Variants in KCNQ1 observed in about 807,000 individuals in gnomAD.
KCNQ1 encodes the protein potassium voltage-gated channel subfamily KQT member 1.
A neutral mutation model predicts 72.4 loss-of-function variants in KCNQ1; 49 were observed. The ratio of observed to expected loss-of-function variants is 0.68; its 90% CI spans 0.54 to 0.86. The LOEUF is 0.86. KCNQ1 is among the 40% of genes least tolerant of loss of function. The pLI is 0.00. For synonymous variants in KCNQ1, 450 were observed against 412.6 expected (o/e 1.09, Z -1.10); for missense variants, 790 against 945.1 (o/e 0.84, Z 2.15).
At chr11:2,632,978 TTTG>T (rs1323313986) in intron 10 of KCNQ1, 1 of 398,392 alleles carries the variant, frequency 2.5e-6, no homozygotes, top group East Asian at 3.6e-5. Flanking sequence ...TTTTAGTTTT[TTTG>T]ACAAAACACC....
rs544282758 is a variant in KCNQ1, at chr11:2,830,376, A to T, written c.1795-17391A>T. ...GCATCCCAGAGCTATGACCTGAATG[A>T]TATCTTAGATGATCTCCAAGGCCCC... On this transcript the variant is annotated intron_variant, in intron 15 of 15. Coordinates refer to ENST00000155840, the MANE Select transcript of KCNQ1 (RefSeq NM_000218.3). The surrounding 1 kb of genome is among the most constrained non-coding windows in gnomAD (Gnocchi z 7.7). Among the ~76,000 whole-genome samples the T allele has an allele frequency of 6.6e-6, 1 of 152,132 alleles. No individual in the cohort carries two copies. The highest frequency in any genetic ancestry group is 6.5e-5 in the Admixed American group (1 of 15,288).
At position 2,515,169 on chromosome 11, in the gene KCNQ1, C is replaced by T. The variant is rs1382163680; in HGVS notation, c.387-12759C>T. 6.6e-6 allele frequency among the ~76,000 whole-genome samples: 1 copy of T among 152,188 alleles called. No homozygotes were observed. Among genetic ancestry groups the T allele is most frequent in the Non-Finnish European group, 1.5e-5 (1 of 68,030 alleles). ...AATAGGTAATTTTTCAACCCTCCCC[C>T]TCTCACCCTCTCCACCTCCCCTTTG... On this transcript the variant is annotated intron_variant, in intron 1 of 15. Coordinates refer to ENST00000155840, the MANE Select transcript of KCNQ1 (RefSeq NM_000218.3). The surrounding 1 kb of genome is among the most constrained non-coding windows in gnomAD (Gnocchi z 4.7).
At position 2,595,160 on chromosome 11, in the gene KCNQ1, G is replaced by A. The variant is rs1848717758; in HGVS notation, c.1393+6306G>A. 6.6e-6 allele frequency among the ~76,000 whole-genome samples: 1 copy of A among 152,118 alleles called. No individual in the cohort carries two copies. The highest frequency in any genetic ancestry group is 6.5e-5 in the Admixed American group (1 of 15,286). ...AGAGCAAGTCTAAGTAACATATATT[G>A]AGAAGAGAGTTTTATTTTATAAAAT... is the stretch of plus-strand genomic sequence containing the variant. On this transcript the variant is annotated intron_variant, in intron 10 of 15. Transcript: ENST00000155840. This position sits in a 1 kb window ranked among gnomAD's most constrained non-coding sequence, Gnocchi z 5.0.
At chr11:2,474,567 G>A (rs370478895) in intron 1 of KCNQ1, among the ~76,000 whole-genome samples, 3 of 152,210 alleles carry the variant, frequency 2.0e-5, no homozygotes, top group Non-Finnish European at 2.9e-5. Flanking sequence ...GAGGGGCAGC[G>A]GTGGAGCCCA....
At position 2,538,943 on chromosome 11, in the gene KCNQ1, G is replaced by T. The variant is rs531421863; in HGVS notation, c.477+10925G>T. 6.6e-6 allele frequency among the ~76,000 whole-genome samples: 1 copy of T among 152,320 alleles called. No homozygotes were observed. The highest frequency in any genetic ancestry group is 2.1e-4 in the South Asian group (1 of 4,826). On this transcript the variant is annotated intron_variant, in intron 2 of 15. Transcript: ENST00000155840. The surrounding 1 kb of genome is among the most constrained non-coding windows in gnomAD (Gnocchi z 6.7). Reference sequence around the variant, plus strand: ...GTGAGAATGGGGTTGACACCCCTGGGCTGGAACCTGGGAACCACCAGTCAG... The same window carrying T: ...GTGAGAATGGGGTTGACACCCCTGGTCTGGAACCTGGGAACCACCAGTCAG...
In KCNQ1 at chr11:2,678,080, C is replaced by CT. The variant is rs1310694995; in HGVS notation, c.1514+16001dup. On this transcript the variant is annotated intron_variant, in intron 11 of 15. Coordinates refer to ENST00000155840, the MANE Select transcript of KCNQ1 (RefSeq NM_000218.3). The surrounding 1 kb of genome is among the most constrained non-coding windows in gnomAD (Gnocchi z 4.9). ...CTTTGGACTTTGTAAAATACCTTGT[C>CT]TTACTGATTTGTAGAAACTTGCTTT... 1 of 398,174 alleles carries CT rather than the reference C, an allele frequency of 2.5e-6. No individual in the cohort carries two copies. The highest frequency in any genetic ancestry group is 4.4e-6 in the Non-Finnish European group (1 of 225,956). 24.7% of individuals were successfully genotyped at this position (398,174 alleles called of 1,614,324 possible). A position where few individuals can be genotyped will look rare whatever the true frequency, so the allele number is the denominator to read the frequency against.
In KCNQ1 at chr11:2,562,664, T is replaced by TG. The variant is rs1848191079; in HGVS notation, c.478-7963dup. Among the ~76,000 whole-genome samples, 1 of 152,198 alleles carries TG rather than the reference T, an allele frequency of 6.6e-6. No individual in the cohort carries two copies. Among genetic ancestry groups the TG allele is most frequent in the Admixed American group, 6.5e-5 (1 of 15,292 alleles). On this transcript the variant is annotated intron_variant, in intron 2 of 15. Coordinates refer to ENST00000155840, the MANE Select transcript of KCNQ1 (RefSeq NM_000218.3). This position sits in a 1 kb window ranked among gnomAD's most constrained non-coding sequence, Gnocchi z 7.5. Reference sequence around the variant, plus strand: ...GTCTCCAGGCCCCATCTTGGCCTGATGAGGCCTCATTGTCTCCTAAAAAGT... The same window carrying TG: ...GTCTCCAGGCCCCATCTTGGCCTGATGGAGGCCTCATTGTCTCCTAAAAAGT...
intron 1 of KCNQ1, among the ~76,000 whole-genome samples, chr11:2,459,440 G>C (rs925406069): frequency 6.6e-6 from 1 of 152,206 alleles, no homozygotes; most frequent in Non-Finnish European, 1.5e-5. Flanking sequence ...GCAGGTGAAG[G>C]CTTACCTGTC....
intron 15 of KCNQ1, chr11:2,840,209 G>A (rs1848178563): frequency 6.6e-6 from 1 of 150,598 alleles, no homozygotes; most frequent in African/African-American, 2.5e-5. Context: ...TTCAGCATAA[G>A]CAGATCATTG....
rs557484787 is a variant in KCNQ1 at position 2,663,450 on chromosome 11, A to T, written c.1514+1369A>T. 1.5e-5 allele frequency: 6 copies of T among 398,738 alleles called. No homozygotes were observed. Among genetic ancestry groups the T allele is most frequent in the African/African-American group, 4.1e-5 (2 of 48,740 alleles). The allele number at this position is 398,738 out of a possible 1,614,324, so 24.7% of individuals were successfully genotyped here. A position where few individuals can be genotyped will look rare whatever the true frequency, so the allele number is the denominator to read the frequency against. ...AGTCCTGGATATGATGGACCTCCAA[A>T]GTGATCAGTGTTAGTTTAGTGGCTC... On this transcript the variant is annotated intron_variant, in intron 11 of 15. Coordinates refer to ENST00000155840, the MANE Select transcript of KCNQ1 (RefSeq NM_000218.3). This position sits in a 1 kb window ranked among gnomAD's most constrained non-coding sequence, Gnocchi z 5.2.
chr11:2,585,364 C>T (rs1848578662), intron 8 of KCNQ1, 57 bp downstream of exon 8: 3 of 1,464,554 alleles, frequency 2.0e-6, no homozygotes, highest in Non-Finnish European at 2.9e-6. Context: ...ATTGTTGCAT[C>T]CAGCCCTCAC....
intron 15 of KCNQ1, among the ~76,000 whole-genome samples, chr11:2,842,067 C>T (rs531097453): frequency 1.6e-4 from 25 of 152,294 alleles, no homozygotes; most frequent in African/African-American, 5.3e-4. Flanking sequence ...GGCAGAGCTT[C>T]CTCTGGCTGC....
chr11:2,793,931 A>G (rs924260435), intron 15 of KCNQ1, among the ~76,000 whole-genome samples: 10 of 152,232 alleles, frequency 6.6e-5, no homozygotes, highest in Admixed American at 2.0e-4. Flanking sequence ...TCAGGAGCCC[A>G]GAGCCAACCA....
In KCNQ1 at chr11:2,653,997, C is replaced by T. The variant is rs1849797498; in HGVS notation, c.1394-7964C>T. On this transcript the variant is annotated intron_variant, in intron 10 of 15. Coordinates refer to ENST00000155840, the MANE Select transcript of KCNQ1 (RefSeq NM_000218.3). The surrounding 1 kb of genome is among the most constrained non-coding windows in gnomAD (Gnocchi z 5.3). ...GTATTTTCCTAAGCGGAACTGGGTGCCAGCTGTGAATATACATTTTCACTC... is the reference window on the plus strand; with the variant it reads ...GTATTTTCCTAAGCGGAACTGGGTGTCAGCTGTGAATATACATTTTCACTC... 2.5e-6 allele frequency: 1 copy of T among 398,636 alleles called. No homozygotes were observed. The highest frequency in any genetic ancestry group is 4.4e-6 in the Non-Finnish European group (1 of 226,076). 24.7% of individuals were successfully genotyped at this position (398,636 alleles called of 1,614,324 possible).
At chr11:2,472,108 G>C (rs1453481439) in intron 1 of KCNQ1, among the ~76,000 whole-genome samples, 1 of 141,986 alleles carries the variant, frequency 7.0e-6, no homozygotes, top group African/African-American at 3.0e-5. Context: ...GTGCACCTAT[G>C]TGTATAAGTG....
Position 2,662,131 on chromosome 11 carries a change from C to G in KCNQ1, c.1514+50C>G, listed in dbSNP as rs199948521. On this transcript the variant is annotated intron_variant, in intron 11 of 15. Coordinates refer to ENST00000155840, the MANE Select transcript of KCNQ1 (RefSeq NM_000218.3). ...GGCTGGGCTGGAGGGGACTGGAGCT[C>G]AAGGAGTCAGACTTGGTGCTGGGGA... 3,124 of 1,612,112 alleles carry G rather than the reference C, an allele frequency of 1.9e-3. 7 individuals carry two copies. The highest frequency in any genetic ancestry group is 2.3e-3 in the Non-Finnish European group (2,740 of 1,178,884).
At position 2,550,624 on chromosome 11, in the gene KCNQ1, G is replaced by A. The variant is rs1847969518; in HGVS notation, c.478-20004G>A. 6.6e-6 allele frequency among the ~76,000 whole-genome samples: 1 copy of A among 152,194 alleles called. No individual in the cohort carries two copies. The highest frequency in any genetic ancestry group is 1.5e-5 in the Non-Finnish European group (1 of 68,024). ...TGACCGGAAGAGGGGGCGCCTCCCTGAGCAGGTGAATGAAGGGTGCTGGGG... is the reference window on the plus strand; with the variant it reads ...TGACCGGAAGAGGGGGCGCCTCCCTAAGCAGGTGAATGAAGGGTGCTGGGG... On this transcript the variant is annotated intron_variant, in intron 2 of 15. Coordinates refer to ENST00000155840, the MANE Select transcript of KCNQ1 (RefSeq NM_000218.3). The surrounding 1 kb of genome is among the most constrained non-coding windows in gnomAD (Gnocchi z 6.0).
intron 11 of KCNQ1, among the ~76,000 whole-genome samples, chr11:2,749,591 C>CCT (rs56016652): frequency 0.098 from 12,716 of 129,796 alleles, 43 homozygotes; most frequent in East Asian, 0.18. Context: ...GGGCGGATCA[C>CCT]GAGGTCAGGA....
chr11:2,836,195 A>C (rs1848063489), intron 15 of KCNQ1, among the ~76,000 whole-genome samples: 1 of 152,154 alleles, frequency 6.6e-6, no homozygotes, highest in Non-Finnish European at 1.5e-5. Context: ...GGACACGACT[A>C]GTGGCTCAAA....
Sources: gnomAD v4.1 joint callset for allele counts (sites outside exome capture counted in the v4.1 genomes callset) on GRCh38, gnomAD v4.1.1 for gene constraint, Gnocchi (gnomAD v3.1) non-coding constraint, MANE v1.5 for transcripts, NCBI Gene and HGNC (gene_info 2026-07-23, HGNC 2026-07-21) for gene names.